The following LOXHD1 variants were observed in gnomAD, a reference collection of about 807,000 sequenced individuals.
LOXHD1 encodes lipoxygenase homology domain-containing protein 1.
In LOXHD1, 205 loss-of-function variants were observed where a neutral mutation model predicts 248.2. That is an observed-to-expected ratio of 0.83 (90% CI 0.74 to 0.93). The LOEUF (loss-of-function observed/expected upper bound fraction) is 0.93, where lower values mean the gene tolerates loss of function less well. LOXHD1 is among the 40% of genes least tolerant of loss of function. The pLI is 0.00. For synonymous variants in LOXHD1, 1,113 were observed against 1,162.8 expected (o/e 0.96, Z 0.87); for missense variants, 2,930 against 2,971.6 (o/e 0.99, Z 0.33).
Position 46,533,197 on chromosome 18 carries a change from C to T in LOXHD1, c.4340G>A (p.Arg1447Gln), listed in dbSNP as rs772100345. ...TEKYMKDGSL[R>Q]QVYKEVEEPL... ...CTCTTCTACTTCCTTGTAGACTTGC[C>T]GTAAGGACCCATCTTTCATGTATTT... The change falls in exon 28 of 41, where the codon CGG becomes CAG. Residue 1447 changes from arginine (R) to glutamine (Q), a missense_variant. Transcript: ENST00000642948. 6.1e-5 allele frequency: 95 copies of T among 1,551,592 alleles called. No homozygotes were observed. The highest frequency in any genetic ancestry group is 2.0e-4 in the East Asian group (8 of 40,936).
In LOXHD1 at chr18:46,477,665, G is replaced by A. The variant is rs752052483; in HGVS notation, c.6629C>T (p.Thr2210Met). The change falls in exon 41 of 41, where the codon ACG becomes ATG. Residue 2210 changes from threonine to methionine, a missense_variant. Physicochemically the swap from Thr to Met is moderately conservative, Grantham distance 81 (BLOSUM62 -1). Coordinates refer to ENST00000642948, the MANE Select transcript of LOXHD1 (RefSeq NM_001384474.1). ...RGSTDRFFLE[T>M]LELGELRKVR... ...CTTGCGCAGCTCACCCAGCTCCAGC[G>A]TCTCCAGGAAGAAGCGGTCTGTGCT... 5.2e-6 allele frequency: 8 copies of A among 1,551,814 alleles called. No homozygotes were observed. The highest frequency in any genetic ancestry group is 2.4e-5 in the South Asian group (2 of 84,070).
At position 46,485,070 on chromosome 18, in the gene LOXHD1, C is replaced by T. The variant is rs369257983; in HGVS notation, c.6131G>A (p.Arg2044Gln). The change falls in exon 39 of 41, where the codon CGA (arginine) becomes CAA (glutamine). Residue 2044 changes from arginine to glutamine, a missense_variant. Transcript: ENST00000642948. ...ATTTTCCATGAGAAACTCTTTGGAT[C>T]GGTTCTTCCTGCCCTCCAGGATGAG... ...VWLILEGRKNRSKEFLMENSS... is the reference protein window; with the variant it reads ...VWLILEGRKNQSKEFLMENSS... 2.0e-5 allele frequency: 31 copies of T among 1,550,784 alleles called. No homozygotes were observed. The African/African-American group carries it at 4.0e-4, about 20-fold the overall frequency.
intron 18 of LOXHD1, among the ~76,000 whole-genome samples, chr18:46,561,974 G>C (rs527606079): frequency 6.6e-6 from 1 of 152,286 alleles, no homozygotes; most frequent in South Asian, 2.1e-4. Flanking sequence ...CAGTAAATTG[G>C]CATCCAGAAG....
Position 46,533,286 on chromosome 18 carries a change from A to C in LOXHD1, c.4251T>G (p.Leu1417=). Residue 1417 remains leucine, a synonymous_variant, in exon 28 of 41, where the codon CTT becomes CTG. Transcript: ENST00000642948. ...TCTTTTTGTCATCCTCAGAGGTGGC[A>C]AGCCACCGATCGCATGGGAAAGTCA... ...ETLTFPCDRW[L]ATSEDDKKTI... The C allele has an allele frequency of 6.4e-7, 1 of 1,551,824 alleles. No individual in the cohort carries two copies. The highest frequency in any genetic ancestry group is 8.7e-7 in the Non-Finnish European group (1 of 1,147,014).
At chr18:46,549,314 T>C (rs1187450302) in intron 21 of LOXHD1, among the ~76,000 whole-genome samples, 1 of 151,772 alleles carries the variant, frequency 6.6e-6, no homozygotes, top group East Asian at 1.9e-4. Flanking sequence ...AGCTCGAAAC[T>C]GTTAAAAGTA....
rs951185720 is a variant in LOXHD1, at chr18:46,611,013, CT to C, written c.611-90del. On this transcript the variant is annotated intron_variant, in intron 5 of 40. Coordinates refer to ENST00000642948, the MANE Select transcript of LOXHD1 (RefSeq NM_001384474.1). ...CATGGTCCGCCCACTGAAAGATGCT[CT>C]TCCAAAGTTAACAAGGGCAACTTCC... The C allele has an allele frequency of 4.1e-6, 6 of 1,474,690 alleles. No homozygotes were observed. The African/African-American group carries it at 5.7e-5, about 14-fold the overall frequency. 91.4% of individuals were successfully genotyped at this position (1,474,690 alleles called of 1,614,324 possible).
chr18:46,490,790 A>G (rs1181497743), intron 37 of LOXHD1, among the ~76,000 whole-genome samples: 1 of 152,230 alleles, frequency 6.6e-6, no homozygotes, highest in Admixed American at 6.5e-5. Flanking sequence ...TTATTTTAAC[A>G]ATAAATTTGT....
At position 46,541,857 on chromosome 18, in the gene LOXHD1, A is replaced by G. The variant is rs769535364; in HGVS notation, c.3832T>C (p.Trp1278Arg). The G allele has an allele frequency of 3.9e-6, 6 of 1,551,754 alleles. No homozygotes were observed. The highest frequency in any genetic ancestry group is 5.2e-6 in the Non-Finnish European group (6 of 1,147,006). The change falls in exon 25 of 41, where the codon TGG becomes CGG. Residue 1278 changes from tryptophan to arginine, a missense_variant. Trp to Arg is a moderately radical substitution (Grantham distance 101). Coordinates refer to ENST00000642948, the MANE Select transcript of LOXHD1 (RefSeq NM_001384474.1). ...GKCMTFPCGR[W>R]LAKNEDDGSI... ...CCGTCGTCTTCGTTTTTGGCCAGCCAGCGGCCACAGGGAAACGTCATGCAC... is the reference window on the plus strand; with the variant it reads ...CCGTCGTCTTCGTTTTTGGCCAGCCGGCGGCCACAGGGAAACGTCATGCAC...
chr18:46,571,262 GT>G (rs1304740807), intron 15 of LOXHD1, among the ~76,000 whole-genome samples: 1 of 152,046 alleles, frequency 6.6e-6, no homozygotes, highest in African/African-American at 2.4e-5. Context: ...GAACCCAGGA[GT>G]TTGAGACCAG....
chr18:46,645,497 G>A (rs1005714253), intron 2 of LOXHD1, among the ~76,000 whole-genome samples: 2 of 152,226 alleles, frequency 1.3e-5, no homozygotes, highest in Non-Finnish European at 2.9e-5. Flanking sequence ...CGATACATGA[G>A]ATCCCATCCT....
At chr18:46,519,186 G>T in intron 33 of LOXHD1, 1 of 781,708 alleles carries the variant, frequency 1.3e-6, no homozygotes, top group Non-Finnish European at 1.6e-6. Context: ...TGGACTCACA[G>T]TGAAGTCTGA....
intron 21 of LOXHD1, among the ~76,000 whole-genome samples, chr18:46,549,150 G>A (rs544400206): frequency 1.3e-5 from 2 of 152,164 alleles, no homozygotes; most frequent in Non-Finnish European, 2.9e-5. Flanking sequence ...TACCAGGGAG[G>A]GGACCAGGCA....
intron 12 of LOXHD1, among the ~76,000 whole-genome samples, chr18:46,581,858 T>C (rs921356918): frequency 1.3e-5 from 2 of 152,216 alleles, no homozygotes; most frequent in African/African-American, 4.8e-5. Flanking sequence ...ACAGCTGACT[T>C]CTCATCAGAA....
rs2144232374 is a variant in LOXHD1, at chr18:46,592,052, G to A, written c.1535C>T (p.Thr512Ile). The change falls in exon 12 of 41, where the codon ACT (threonine) becomes ATT (isoleucine). Residue 512 changes from threonine to isoleucine, a missense_variant. By Grantham distance (89) the Thr-to-Ile change is moderately conservative. Transcript: ENST00000642948. ...WHLERMTLMN[T>I]LNKDKYNFNC... The stretch of plus-strand genomic sequence containing the variant: ...GAAGTTGTACTTGTCTTTGTTCAGA[G>A]TGTTCATCAGGGTCATCTGGAATGA... 6.4e-7 allele frequency: 1 copy of A among 1,552,302 alleles called. No homozygotes were observed. The highest frequency in any genetic ancestry group is 8.7e-7 in the Non-Finnish European group (1 of 1,147,096).
At chr18:46,607,294 T>C (rs2038429749) in intron 6 of LOXHD1, among the ~76,000 whole-genome samples, 1 of 151,092 alleles carries the variant, frequency 6.6e-6, no homozygotes, top group Admixed American at 6.6e-5. Flanking sequence ...TGACACCATA[T>C]ATATATGGTG....
intron 23 of LOXHD1, 138 bp from the exon 24 acceptor site, chr18:46,542,993 A>G: frequency 1.6e-6 from 2 of 1,224,322 alleles, no homozygotes; most frequent in South Asian, 1.5e-5. Flanking sequence ...ATTATCATCC[A>G]TTGGCCACCT....
intron 20 of LOXHD1, chr18:46,559,200 A>C (rs974850249): frequency 2.7e-5 from 40 of 1,463,996 alleles, no homozygotes; most frequent in Non-Finnish European, 3.1e-5. Flanking sequence ...ACTCAACGCC[A>C]TTCTCTGTTT....
intron 28 of LOXHD1, among the ~76,000 whole-genome samples, chr18:46,530,524 T>A (rs2036017012): frequency 6.6e-6 from 1 of 152,110 alleles, no homozygotes; most frequent in South Asian, 2.1e-4. Flanking sequence ...GTGGCACTCA[T>A]CCTGGACTAA....
At chr18:46,574,396 C>CACACACACACACACACAT (rs1446225875) in intron 14 of LOXHD1, among the ~76,000 whole-genome samples, 2 of 149,702 alleles carry the variant, frequency 1.3e-5, no homozygotes, top group African/African-American at 5.0e-5. Context: ...CATACACACA[C>CACACACACACACACACAT]ACACACACAC....
Sources: gnomAD v4.1 joint callset for allele counts (sites outside exome capture counted in the v4.1 genomes callset) on GRCh38, gnomAD v4.1.1 for gene constraint, MANE v1.5 for transcripts, NCBI Gene and HGNC (gene_info 2026-07-23, HGNC 2026-07-21) for gene names.